Variants in NDFIP2 observed in about 807,000 individuals in gnomAD.
NDFIP2 encodes Nedd4 family interacting protein 2, also known as NEDD4 family-interacting protein 2.
NDFIP2 carries 19 observed loss-of-function variants against 36.0 expected under a neutral mutation model. That is an observed-to-expected ratio of 0.53 (90% CI 0.37 to 0.77). NDFIP2 has a LOEUF of 0.77. NDFIP2 is among the 30% of genes least tolerant of loss of function. The pLI is 0.00. For synonymous variants in NDFIP2, 181 were observed against 167.7 expected (o/e 1.08, Z -0.61); for missense variants, 446 against 435.8 (o/e 1.02, Z -0.21).
chr13:79,521,386 GATTA>G (rs1298838758), intron 2 of NDFIP2, among the ~76,000 whole-genome samples: 1 of 152,036 alleles, frequency 6.6e-6, no homozygotes, highest in African/African-American at 2.4e-5. Context: ...CCTAAGCAAT[GATTA>G]ATTATTCAGT....
At chr13:79,535,629 A>G (rs1283016995) in intron 3 of NDFIP2, among the ~76,000 whole-genome samples, 1 of 152,212 alleles carries the variant, frequency 6.6e-6, no homozygotes, top group Non-Finnish European at 1.5e-5. Context: ...CTTGTAAAAA[A>G]TCTTATAAAT....
chr13:79,512,699 C>T (rs1874125036), intron 1 of NDFIP2, among the ~76,000 whole-genome samples: 1 of 152,080 alleles, frequency 6.6e-6, no homozygotes, highest in African/African-American at 2.4e-5. Flanking sequence ...TGGTCACATC[C>T]CAGTCTTCTT....
At chr13:79,483,168 AAC>A (rs1199945041) in intron 1 of NDFIP2, among the ~76,000 whole-genome samples, 2 of 152,108 alleles carry the variant, frequency 1.3e-5, no homozygotes, top group Non-Finnish European at 2.9e-5. Context: ...GTTCCTTGAG[AAC>A]AGAGGGCAAA....
chr13:79,490,527 C>T, intron 1 of NDFIP2, among the ~76,000 whole-genome samples: 1 of 152,194 alleles, frequency 6.6e-6, no homozygotes, highest in African/African-American at 2.4e-5. Context: ...CTTTATAGGC[C>T]ATGTGGTCTC....
chr13:79,513,047 C>T (rs552468663), intron 1 of NDFIP2, among the ~76,000 whole-genome samples: 57 of 152,274 alleles, frequency 3.7e-4, no homozygotes, highest in African/African-American at 1.3e-3. Flanking sequence ...TAAAATGTGC[C>T]ATGGTCTTTA....
At chr13:79,550,086 T>C (rs1875846135) in intron 6 of NDFIP2, among the ~76,000 whole-genome samples, 1 of 151,788 alleles carries the variant, frequency 6.6e-6, no homozygotes, top group Non-Finnish European at 1.5e-5. Flanking sequence ...ACACATACAG[T>C]AGATATCTTC....
intron 2 of NDFIP2, among the ~76,000 whole-genome samples, chr13:79,526,504 A>G (rs1874801499): frequency 2.0e-5 from 3 of 152,190 alleles, no homozygotes; most frequent in Non-Finnish European, 2.9e-5. Context: ...AGGAACTACA[A>G]CATTTAACAG....
At chr13:79,485,982 G>A (rs555917330) in intron 1 of NDFIP2, among the ~76,000 whole-genome samples, 2 of 152,176 alleles carry the variant, frequency 1.3e-5, no homozygotes, top group Non-Finnish European at 2.9e-5. Flanking sequence ...CCAAAAACCC[G>A]AAATCTAAAA....
rs540373255 is a variant in NDFIP2, at chr13:79,551,217, T to C, written c.*2+95T>C. The C allele has an allele frequency of 9.4e-5, 56 of 598,200 alleles. No homozygotes were observed. The South Asian group carries it at 1.8e-3, about 19-fold the overall frequency. The allele number at this position is 598,200 out of a possible 1,614,324, so 37.1% of individuals were successfully genotyped here. The stretch of plus-strand genomic sequence containing the variant: ...ATGCCTAATGTGTATTCATGATTTT[T>C]ACTGTTAGCATATTTAATATTTTTT... On this transcript the variant is annotated intron_variant, in intron 7 of 7. Coordinates refer to ENST00000218652, the MANE Select transcript of NDFIP2 (RefSeq NM_019080.3).
At chr13:79,490,427 A>G (rs559502429) in intron 1 of NDFIP2, among the ~76,000 whole-genome samples, 73 of 152,220 alleles carry the variant, frequency 4.8e-4, no homozygotes, top group Middle Eastern at 6.8e-3. Context: ...CCTGAAGCCT[A>G]TGTTACTTGG....
At position 79,553,767 on chromosome 13, in the gene NDFIP2, A is replaced by G. The variant is rs1202637553; in HGVS notation, c.*1254A>G. On this transcript the variant is annotated 3_prime_UTR_variant, in exon 8 of 8. Coordinates refer to ENST00000218652, the MANE Select transcript of NDFIP2 (RefSeq NM_019080.3). ...TATAACTGGAATTTAATTTACATTCATAAACTACTATATTTCCCATCTTGC... is the reference window on the plus strand; with the variant it reads ...TATAACTGGAATTTAATTTACATTCGTAAACTACTATATTTCCCATCTTGC... 1 of 152,026 alleles carries G rather than the reference A, an allele frequency of 6.6e-6. No homozygotes were observed. Among genetic ancestry groups the G allele is most frequent in the Non-Finnish European group, 1.5e-5 (1 of 67,570 alleles). 9.4% of individuals were successfully genotyped at this position (152,026 alleles called of 1,614,324 possible).
At chr13:79,549,033 G>A (rs1469070691) in intron 6 of NDFIP2, among the ~76,000 whole-genome samples, 2 of 151,864 alleles carry the variant, frequency 1.3e-5, no homozygotes, top group African/African-American at 4.8e-5. Context: ...TGTATTTGCT[G>A]ACATAAGGAA....
intron 1 of NDFIP2, among the ~76,000 whole-genome samples, chr13:79,497,793 G>T (rs5016209): frequency 0.16 from 14,982 of 92,676 alleles, 1,663 homozygotes; most frequent in African/African-American, 0.39. Context: ...TTATCTGTGG[G>T]GGGTGTGTGT....
intron 1 of NDFIP2, among the ~76,000 whole-genome samples, chr13:79,497,667 T>G (rs1265112912): frequency 2.7e-5 from 4 of 149,070 alleles, no homozygotes; most frequent in South Asian, 2.1e-4. Flanking sequence ...TGAGTTTTTT[T>G]TTTTTTTTTT....
Position 79,553,601 on chromosome 13 carries a change from C to A in NDFIP2, c.*1088C>A, listed in dbSNP as rs1341250359. On this transcript the variant is annotated 3_prime_UTR_variant, in exon 8 of 8. Coordinates refer to ENST00000218652, the MANE Select transcript of NDFIP2 (RefSeq NM_019080.3). The stretch of plus-strand genomic sequence containing the variant: ...ATCTTGTACTATGAATAGCTTCTTG[C>A]TTTATGACTTTAGGATTAACTTGTA... 1 of 151,764 alleles carries A rather than the reference C, an allele frequency of 6.6e-6. No individual in the cohort carries two copies. The highest frequency in any genetic ancestry group is 2.4e-5 in the African/African-American group (1 of 41,356). The allele number at this position is 151,764 out of a possible 1,614,324, so 9.4% of individuals were successfully genotyped here. A position where few individuals can be genotyped will look rare whatever the true frequency, so the allele number is the denominator to read the frequency against.
intron 5 of NDFIP2, among the ~76,000 whole-genome samples, chr13:79,547,557 C>A (rs1875735875): frequency 6.6e-6 from 1 of 152,010 alleles, no homozygotes; most frequent in Admixed American, 6.6e-5. Flanking sequence ...TTTTAAAAAA[C>A]CTTTTAAAAT....
At chr13:79,499,390 A>G (rs1873569164) in intron 1 of NDFIP2, among the ~76,000 whole-genome samples, 1 of 151,962 alleles carries the variant, frequency 6.6e-6, no homozygotes, top group African/African-American at 2.4e-5. Context: ...CAATATGACA[A>G]GGAAGGAAAT....
At chr13:79,519,349 G>T (rs1348615339) in intron 1 of NDFIP2, among the ~76,000 whole-genome samples, 3 of 152,124 alleles carry the variant, frequency 2.0e-5, no homozygotes, top group South Asian at 2.1e-4. Context: ...AAGACTTTTT[G>T]CCAAATATAT....
chr13:79,508,404 G>A (rs555870330), intron 1 of NDFIP2, among the ~76,000 whole-genome samples: 3 of 152,204 alleles, frequency 2.0e-5, no homozygotes, highest in Non-Finnish European at 4.4e-5. Flanking sequence ...GTTTATTAGA[G>A]AAGTAAAGAA....
Sources: allele counts gnomAD v4.1 joint callset (sites outside exome capture counted in the v4.1 genomes callset), GRCh38; gene constraint gnomAD v4.1.1; transcripts MANE v1.5; gene names NCBI Gene and HGNC (gene_info 2026-07-23, HGNC 2026-07-21).